Variants in OPCML observed in about 807,000 individuals in gnomAD.
OPCML encodes the protein opioid-binding protein/cell adhesion molecule.
In OPCML, 13 loss-of-function variants were observed where a neutral mutation model predicts 37.8. That is an observed-to-expected ratio of 0.34 (90% CI 0.22 to 0.55). The LOEUF is 0.55. Ranked by LOEUF, OPCML falls within the 20% of genes least tolerant of loss-of-function variation. The pLI, the probability that OPCML is intolerant of heterozygous loss-of-function variation, is 0.91. For synonymous variants in OPCML, 176 were observed against 168.8 expected (o/e 1.04, Z -0.33); for missense variants, 341 against 435.6 (o/e 0.78, Z 1.93).
intron 3 of OPCML, among the ~76,000 whole-genome samples, chr11:132,645,889 G>A (rs763639284): frequency 8.5e-5 from 13 of 152,280 alleles, no homozygotes; most frequent in Non-Finnish European, 1.0e-4. Flanking sequence ...CCGTCATCGC[G>A]GAAAGGTCTA....
At chr11:133,022,946 T>C (rs1591921180) in intron 1 of OPCML, among the ~76,000 whole-genome samples, 1 of 152,320 alleles carries the variant, frequency 6.6e-6, no homozygotes, top group East Asian at 1.9e-4. Context: ...GGAATGCTTT[T>C]GCTGCTGAGC....
chr11:133,005,390 C>T (rs1340051289), intron 1 of OPCML: 2 of 985,176 alleles, frequency 2.0e-6, no homozygotes, highest in Non-Finnish European at 2.4e-6. Flanking sequence ...AGATATCTGT[C>T]TACATTAATG....
At chr11:133,274,177 A>G (rs1941928679) in intron 1 of OPCML, among the ~76,000 whole-genome samples, 1 of 152,140 alleles carries the variant, frequency 6.6e-6, no homozygotes, top group Non-Finnish European at 1.5e-5. Flanking sequence ...TTCATTACTG[A>G]GCACTTGTCA....
chr11:132,855,060 G>A (rs182802568), intron 2 of OPCML, among the ~76,000 whole-genome samples: 1 of 152,302 alleles, frequency 6.6e-6, no homozygotes, highest in Admixed American at 6.5e-5. Flanking sequence ...TAGGATTATG[G>A]GAGGGGCCTG....
chr11:132,977,286 C>CA (rs1262982819), intron 1 of OPCML, among the ~76,000 whole-genome samples: 3 of 152,192 alleles, frequency 2.0e-5, no homozygotes, highest in Non-Finnish European at 4.4e-5. Context: ...CTAAGCTATT[C>CA]ACAGCTGCTT....
chr11:133,169,670 A>G (rs1297552986), intron 1 of OPCML, among the ~76,000 whole-genome samples: 1 of 152,342 alleles, frequency 6.6e-6, no homozygotes, highest in African/African-American at 2.4e-5. Context: ...TACACAGGTG[A>G]CATATTTTAA....
rs144732648 is a variant in OPCML, at chr11:132,768,331, G to A, written c.147-111012C>T. ...GTGAATGGCTTGCCCCCATTCCGTC[G>A]ATCTCTACATGACACTATCAACTGA... On this transcript the variant is annotated intron_variant, in intron 2 of 7. Coordinates refer to ENST00000524381, the MANE Select transcript of OPCML (RefSeq NM_001012393.5). Among the ~76,000 whole-genome samples the A allele has an allele frequency of 2.5e-3, 384 of 152,128 alleles. 1 individual carries two copies. Among genetic ancestry groups the A allele is most frequent in the South Asian group, 5.8e-3 (28 of 4,800 alleles).
chr11:132,616,446 G>T (rs539875617), intron 3 of OPCML, among the ~76,000 whole-genome samples: 77 of 152,276 alleles, frequency 5.1e-4, no homozygotes, highest in Non-Finnish European at 8.4e-4. Flanking sequence ...TCATAATTTT[G>T]CAAAGGCAGT....
At chr11:133,034,751 C>CCTTT (rs1947745571) in intron 1 of OPCML, among the ~76,000 whole-genome samples, 1 of 141,766 alleles carries the variant, frequency 7.1e-6, no homozygotes, top group African/African-American at 2.6e-5. Context: ...GTTTTTTTTC[C>CCTTT]TTTTTTTTTT....
Position 133,248,993 on chromosome 11 carries a change from C to T in OPCML, c.61+283271G>A, listed in dbSNP as rs571549157. Among the ~76,000 whole-genome samples, 15 of 152,248 alleles carry T rather than the reference C, an allele frequency of 9.9e-5. No individual in the cohort carries two copies. In the East Asian group the frequency reaches 2.3e-3, roughly 24 times the overall value. On this transcript the variant is annotated intron_variant, in intron 1 of 7. Coordinates refer to ENST00000524381, the MANE Select transcript of OPCML (RefSeq NM_001012393.5). ...GCAAACATGTCAGGATCTCATGATC[C>T]AACACTCTAGAGCTGTTGCCGGTAT...
At chr11:133,408,018 A>C (rs968285893) in intron 1 of OPCML, among the ~76,000 whole-genome samples, 1 of 152,198 alleles carries the variant, frequency 6.6e-6, no homozygotes, top group African/African-American at 2.4e-5. Context: ...ATGTGCAGTA[A>C]GCCCTCTCTT....
At chr11:132,427,461 C>T (rs918682772) in intron 7 of OPCML, among the ~76,000 whole-genome samples, 4 of 152,162 alleles carry the variant, frequency 2.6e-5, no homozygotes, top group South Asian at 4.1e-4. Flanking sequence ...ACTTTTCCTC[C>T]ATTGAGTTTA....
At chr11:132,870,896 G>T (rs886114407) in intron 2 of OPCML, among the ~76,000 whole-genome samples, 4 of 152,066 alleles carry the variant, frequency 2.6e-5, no homozygotes, top group Admixed American at 1.3e-4. Context: ...GGTTACTAGG[G>T]GTAAGGAGGT....
chr11:133,106,583 A>T (rs1434380856), intron 1 of OPCML, among the ~76,000 whole-genome samples: 1 of 152,214 alleles, frequency 6.6e-6, no homozygotes, highest in Non-Finnish European at 1.5e-5. Context: ...AATGTGCTAC[A>T]TCCAGATGGC....
At chr11:133,021,583 G>A (rs1423077143) in intron 1 of OPCML, among the ~76,000 whole-genome samples, 2 of 50,082 alleles carry the variant, frequency 4.0e-5, no homozygotes, top group Admixed American at 2.8e-4. Flanking sequence ...TGTGCTACGG[G>A]CAGGAGGGAG....
At chr11:133,388,014 T>C (rs1945093053) in intron 1 of OPCML, among the ~76,000 whole-genome samples, 1 of 152,088 alleles carries the variant, frequency 6.6e-6, no homozygotes, top group Non-Finnish European at 1.5e-5. Flanking sequence ...TAGAGAGCTT[T>C]GGAGGGGCAG....
intron 1 of OPCML, among the ~76,000 whole-genome samples, chr11:133,210,533 G>A (rs981880668): frequency 2.0e-5 from 3 of 152,048 alleles, no homozygotes; most frequent in Non-Finnish European, 1.5e-5. Context: ...TTCTTTGACT[G>A]AACCTCTTTC....
chr11:133,045,999 G>A lies in OPCML; in HGVS notation c.62-102989C>T, dbSNP rs191720281. On this transcript the variant is annotated intron_variant, in intron 1 of 7. Coordinates refer to ENST00000524381, the MANE Select transcript of OPCML (RefSeq NM_001012393.5). ...AAGCTACAAGATGCTCACCGGCAAG[G>A]GGCTTGTGGAAAGGAAAGACAGCCC... Among the ~76,000 whole-genome samples, 351 of 152,290 alleles carry A rather than the reference G, an allele frequency of 2.3e-3. 1 individual carries two copies. The highest frequency in any genetic ancestry group is 8.1e-3 in the African/African-American group (338 of 41,548).
intron 3 of OPCML, among the ~76,000 whole-genome samples, chr11:132,534,172 G>A (rs1056046892): frequency 7.2e-5 from 11 of 151,884 alleles, no homozygotes; most frequent in South Asian, 2.1e-4. Flanking sequence ...TTAATGTCAC[G>A]TCCTCAGAGA....
Sources: gnomAD v4.1 joint callset for allele counts (sites outside exome capture counted in the v4.1 genomes callset) on GRCh38, gnomAD v4.1.1 for gene constraint, MANE v1.5 for transcripts, NCBI Gene and HGNC (gene_info 2026-07-23, HGNC 2026-07-21) for gene names.